PIK3CB: variants seen among roughly 807,000 people sequenced by gnomAD.
PIK3CB encodes the protein phosphatidylinositol-4,5-bisphosphate 3-kinase catalytic subunit beta.
PIK3CB carries 39 observed loss-of-function variants against 136.8 expected under a neutral mutation model. The observed-to-expected ratio is 0.29, with a 90% CI of 0.22 to 0.37. The LOEUF (loss-of-function observed/expected upper bound fraction) is 0.37. Among genes scored for constraint, PIK3CB ranks in the 10% least tolerant of loss-of-function variants. The pLI, the probability that PIK3CB is intolerant of heterozygous loss-of-function variation, is 1.00. For missense variants in PIK3CB, 868 were observed against 1,275.4 expected (o/e 0.68, Z 4.87); for synonymous variants, 428 against 436.6 (o/e 0.98, Z 0.25).
intron 2 of PIK3CB, among the ~76,000 whole-genome samples, chr3:138,767,969 C>T (rs1275833621): frequency 2.0e-5 from 3 of 152,244 alleles, no homozygotes; most frequent in African/African-American, 7.2e-5. Context: ...GTTTGTGTTA[C>T]AGTTCTTTTA....
At chr3:138,802,001 C>T (rs904926165) in intron 1 of PIK3CB, among the ~76,000 whole-genome samples, 3 of 151,254 alleles carry the variant, frequency 2.0e-5, no homozygotes, top group Non-Finnish European at 2.9e-5. Flanking sequence ...TATGATGGTG[C>T]CACTGAACTC....
chr3:138,830,914 A>C (rs1321925069), intron 1 of PIK3CB, among the ~76,000 whole-genome samples: 1 of 138,498 alleles, frequency 7.2e-6, no homozygotes, highest in Non-Finnish European at 1.5e-5. Context: ...AATAATAATA[A>C]TAATAATAAT....
At chr3:138,694,631 T>C (rs910244537) in intron 14 of PIK3CB, among the ~76,000 whole-genome samples, 155 bp downstream of exon 14, 1 of 151,962 alleles carries the variant, frequency 6.6e-6, no homozygotes, top group African/African-American at 2.4e-5. Flanking sequence ...GTATAAACAT[T>C]GAGTTGGGGA....
At position 138,712,263 on chromosome 3, in the gene PIK3CB, A is replaced by T; in HGVS notation, c.1344T>A (p.Phe448Leu). 6.3e-7 allele frequency: 1 copy of T among 1,587,682 alleles called. No homozygotes were observed. The highest frequency in any genetic ancestry group is 8.6e-7 in the Non-Finnish European group (1 of 1,163,774). The stretch of plus-strand genomic sequence containing the variant: ...TGTCTCCAGTTCTCAATTGTCCTTT[A>T]AAGTCAAAAACCATCGTATTTACCC... ...VAWVNTMVFD[F>L]KGQLRTGDII... The change falls in exon 10 of 24, where the codon TTT becomes TTA. Residue 448 changes from phenylalanine to leucine, a missense_variant. Physicochemically the swap from Phe to Leu is conservative, Grantham distance 22 (BLOSUM62 0). Around this residue, in one of 4 missense-constraint regions of PIK3CB, gnomAD observed 612 missense variants for 801.1 expected, o/e 0.76. Transcript: ENST00000674063.
Position 138,691,040 on chromosome 3 carries a change from C to G in PIK3CB, c.1996G>C (p.Gly666Arg). Residue 666 changes from glycine to arginine, a missense_variant, in exon 15 of 24, where the codon GGT (glycine) becomes CGT (arginine). Gly to Arg is a moderately radical substitution (Grantham distance 125). This residue lies in a region of PIK3CB where 612 missense variants were observed against 801.1 expected (regional missense o/e 0.76). Transcript: ENST00000674063. The part of the protein sequence containing the change: ...LSRFLLERAL[G>R]NRRIGQFLFW... ...AGAAACTGCCCTATCCTCCGATTAC[C>G]AAGTGCTCTTTCTAATAGGAATCTA... The G allele has an allele frequency of 6.2e-7, 1 of 1,613,014 alleles. No individual in the cohort carries two copies. Among genetic ancestry groups the G allele is most frequent in the Non-Finnish European group, 8.5e-7 (1 of 1,179,114 alleles).
At chr3:138,738,753 CAT>C (rs1361523614) in intron 5 of PIK3CB, among the ~76,000 whole-genome samples, 14 of 152,098 alleles carry the variant, frequency 9.2e-5, no homozygotes, top group Admixed American at 9.2e-4. Flanking sequence ...ATTATATGAT[CAT>C]ATACTAAAGA....
intron 2 of PIK3CB, among the ~76,000 whole-genome samples, chr3:138,780,426 A>T (rs1193987658): frequency 6.6e-6 from 1 of 152,044 alleles, no homozygotes; most frequent in Admixed American, 6.6e-5. Context: ...GTGTACCACC[A>T]TGCCCAGCTA....
At chr3:138,670,591 G>A (rs1483211742) in intron 19 of PIK3CB, among the ~76,000 whole-genome samples, 4 of 152,226 alleles carry the variant, frequency 2.6e-5, no homozygotes, top group Admixed American at 2.0e-4. Flanking sequence ...CCAAGTGGCT[G>A]TGTGCCAATA....
At chr3:138,683,351 CAAAAA>C (rs1011302197) in intron 18 of PIK3CB, among the ~76,000 whole-genome samples, 2 of 65,176 alleles carry the variant, frequency 3.1e-5, no homozygotes, top group Admixed American at 1.8e-4. Context: ...GACCCTGTCT[CAAAAA>C]AAAAAAAAAA....
At chr3:138,779,175 T>G (rs1406265129) in intron 2 of PIK3CB, among the ~76,000 whole-genome samples, 1 of 150,148 alleles carries the variant, frequency 6.7e-6, no homozygotes, top group Non-Finnish European at 1.5e-5. Context: ...AAGCTCTGCC[T>G]CCTGGGTGCA....
At chr3:138,800,700 C>T (rs2046164266) in intron 1 of PIK3CB, among the ~76,000 whole-genome samples, 1 of 152,184 alleles carries the variant, frequency 6.6e-6, no homozygotes, top group Non-Finnish European at 1.5e-5. Context: ...TCTTGGCTCA[C>T]TGCAACCTCT....
intron 2 of PIK3CB, among the ~76,000 whole-genome samples, chr3:138,772,034 T>C (rs2045806782): frequency 1.3e-5 from 2 of 151,754 alleles, no homozygotes; most frequent in South Asian, 4.2e-4. Flanking sequence ...GTTTCATGTA[T>C]AAAGCAAAAT....
intron 19 of PIK3CB, among the ~76,000 whole-genome samples, chr3:138,668,813 C>A (rs2043467315): frequency 6.6e-6 from 1 of 152,160 alleles, no homozygotes; most frequent in Non-Finnish European, 1.5e-5. Context: ...ACTCACCAAG[C>A]AACCTGCCAT....
intron 19 of PIK3CB, among the ~76,000 whole-genome samples, chr3:138,669,349 G>C (rs361092): frequency 0.57 from 83,549 of 147,060 alleles, 24,381 homozygotes; most frequent in East Asian, 0.99. Flanking sequence ...TTGAGGTTGC[G>C]GTGAACCATG....
At chr3:138,722,025 A>G (rs2044735449) in intron 8 of PIK3CB, among the ~76,000 whole-genome samples, 1 of 152,096 alleles carries the variant, frequency 6.6e-6, no homozygotes, top group Non-Finnish European at 1.5e-5. Flanking sequence ...CTTGTCCACT[A>G]GGTGTAGGGC....
At chr3:138,680,773 C>T (rs553501406) in intron 19 of PIK3CB, among the ~76,000 whole-genome samples, 45 of 151,998 alleles carry the variant, frequency 3.0e-4, no homozygotes, top group East Asian at 1.9e-3. Context: ...CCGCAACTTC[C>T]GCCTCTCAGG....
intron 12 of PIK3CB, 73 bp from the exon 13 acceptor site, chr3:138,699,168 A>T: frequency 2.3e-6 from 1 of 429,564 alleles, no homozygotes; most frequent in Non-Finnish European, 3.9e-6. Flanking sequence ...AAATTTATAT[A>T]TATTTATATA....
intron 4 of PIK3CB, among the ~76,000 whole-genome samples, chr3:138,746,529 C>T (rs1243150560): frequency 1.3e-5 from 2 of 151,738 alleles, no homozygotes; most frequent in African/African-American, 4.8e-5. Context: ...AGAGTGGTGG[C>T]GGGGACCTGT....
chr3:138,794,729 G>A (rs908224119), intron 2 of PIK3CB, among the ~76,000 whole-genome samples: 3 of 152,204 alleles, frequency 2.0e-5, no homozygotes, highest in African/African-American at 7.2e-5. Context: ...TGAGGACAGA[G>A]AAGATAAACA....
Sources: gnomAD v4.1 joint callset for allele counts (sites outside exome capture counted in the v4.1 genomes callset) on GRCh38, gnomAD v4.1.1 for gene constraint, gnomAD v4.1.1 regional missense constraint, MANE v1.5 for transcripts, NCBI Gene and HGNC (gene_info 2026-07-23, HGNC 2026-07-21) for gene names.